UBR1: variants seen among roughly 807,000 people sequenced by gnomAD.
UBR1 encodes the protein ubiquitin protein ligase E3 component n-recognin 1, also known as E3 ubiquitin-protein ligase UBR1.
UBR1 carries 102 observed loss-of-function variants against 242.1 expected under a neutral mutation model. That is an observed-to-expected ratio of 0.42 (90% CI 0.36 to 0.50). UBR1 has a LOEUF of 0.50. UBR1 is among the 20% of genes least tolerant of loss of function. The pLI, the probability that UBR1 is intolerant of heterozygous loss-of-function variation, is 0.01. For missense variants in UBR1, 1,772 were observed against 2,101.8 expected (o/e 0.84, Z 3.07); for synonymous variants, 675 against 684.8 (o/e 0.99, Z 0.22).
At chr15:43,101,926 C>A (rs1423595428) in intron 1 of UBR1, among the ~76,000 whole-genome samples, 1 of 146,038 alleles carries the variant, frequency 6.8e-6, no homozygotes, top group Non-Finnish European at 1.5e-5. Context: ...CGAGATCTCG[C>A]CACGCACTCC....
intron 35 of UBR1, among the ~76,000 whole-genome samples, chr15:42,987,727 A>AG (rs2032496007): frequency 6.6e-6 from 1 of 151,430 alleles, no homozygotes; most frequent in Admixed American, 6.6e-5. Flanking sequence ...AAAAAAAAAA[A>AG]AAAAAAAAAT....
chr15:43,047,401 C>T, intron 13 of UBR1, 112 bp from the exon 14 acceptor site: 1 of 1,521,814 alleles, frequency 6.6e-7, no homozygotes, highest in South Asian at 1.1e-5. Flanking sequence ...GGTTGTTACA[C>T]TGGGTCAGAA....
At chr15:43,024,800 T>C (rs774354364) in intron 25 of UBR1, 29 bp downstream of exon 25, 3 of 1,613,890 alleles carry the variant, frequency 1.9e-6, no homozygotes, top group Non-Finnish European at 1.7e-6. Flanking sequence ...TAGGACTTGA[T>C]GTAGAGAAAA....
In UBR1 at chr15:43,003,945, A is replaced by G. The variant is rs756784968; in HGVS notation, c.3416-15T>C. ...GTCTAGGGCTTCTGGTACAAGGTAT[A>G]AAAAGGAGGGAAAAAGAGAGACAGG... On this transcript the variant is annotated splice_polypyrimidine_tract_variant and intron_variant, in intron 30 of 46. Transcript: ENST00000290650. 1 of 1,611,194 alleles carries G rather than the reference A, an allele frequency of 6.2e-7. No homozygotes were observed. The highest frequency in any genetic ancestry group is 8.5e-7 in the Non-Finnish European group (1 of 1,177,328).
chr15:43,048,018 C>G (rs1171717594), intron 13 of UBR1, among the ~76,000 whole-genome samples: 1 of 151,990 alleles, frequency 6.6e-6, no homozygotes. Context: ...GAAACCCCAC[C>G]TCTACTAAAA....
At chr15:43,015,404 C>T (rs1455298396) in intron 29 of UBR1, among the ~76,000 whole-genome samples, 6 of 151,934 alleles carry the variant, frequency 3.9e-5, no homozygotes, top group Non-Finnish European at 4.4e-5. Flanking sequence ...GGATTAAGGG[C>T]GGTGCAAGAT....
chr15:43,019,155 G>A (rs1044302122), intron 27 of UBR1, among the ~76,000 whole-genome samples: 4 of 151,804 alleles, frequency 2.6e-5, no homozygotes, highest in African/African-American at 4.8e-5. Context: ...TCCACCTCCC[G>A]GGTTCAAGCC....
At chr15:43,017,409 GT>G (rs1478763058) in intron 27 of UBR1, among the ~76,000 whole-genome samples, 1 of 152,250 alleles carries the variant, frequency 6.6e-6, no homozygotes, top group African/African-American at 2.4e-5. Context: ...AGCAGATTCA[GT>G]AGGCTGGGGG....
At chr15:43,104,693 T>C (rs1421396070) in intron 1 of UBR1, among the ~76,000 whole-genome samples, 1 of 151,262 alleles carries the variant, frequency 6.6e-6, no homozygotes, top group East Asian at 1.9e-4. Flanking sequence ...TTCAATTGTA[T>C]GCAGGGTTAA....
chr15:43,083,160 G>C (rs1210258968), intron 2 of UBR1, among the ~76,000 whole-genome samples: 1 of 152,168 alleles, frequency 6.6e-6, no homozygotes, highest in Admixed American at 6.5e-5. Context: ...AGCAACATAA[G>C]GGCAGGGATT....
intron 44 of UBR1, among the ~76,000 whole-genome samples, chr15:42,954,441 T>C (rs939109656): frequency 1.3e-5 from 2 of 152,158 alleles, no homozygotes; most frequent in Non-Finnish European, 2.9e-5. Context: ...GAAGACCCTA[T>C]TGGGCCAGTT....
At chr15:43,065,419 C>T (rs946098123) in intron 6 of UBR1, among the ~76,000 whole-genome samples, 2 of 151,954 alleles carry the variant, frequency 1.3e-5, no homozygotes, top group East Asian at 1.9e-4. Flanking sequence ...CAGAGGTAAA[C>T]GTGTGCCATG....
Position 42,952,153 on chromosome 15 carries a change from C to T in UBR1, c.5006+125G>A, listed in dbSNP as rs1298571959. On this transcript the variant is annotated intron_variant, in intron 45 of 46. Coordinates refer to ENST00000290650, the MANE Select transcript of UBR1 (RefSeq NM_174916.3). ...CTCAAATGCAATTTCATGTCAATAA[C>T]AGGTTAATACTCTAACTTCTGATTG... 6 of 1,176,750 alleles carry T rather than the reference C, an allele frequency of 5.1e-6. No individual in the cohort carries two copies. The East Asian group carries it at 1.4e-4, about 28-fold the overall frequency. 72.9% of individuals were successfully genotyped at this position (1,176,750 alleles called of 1,614,324 possible). A position where few individuals can be genotyped will look rare whatever the true frequency, so the allele number is the denominator to read the frequency against.
chr15:43,047,293 C>A lies in UBR1; in HGVS notation c.1540-4G>T. Reference sequence around the variant, plus strand: ...GTCTTCGGATTTCTTCCATTCCCTGCAATTACAAGTTGGTCAACATACACC... The same window carrying A: ...GTCTTCGGATTTCTTCCATTCCCTGAAATTACAAGTTGGTCAACATACACC... On this transcript the variant is annotated splice_region_variant and splice_polypyrimidine_tract_variant and intron_variant, in intron 13 of 46. Transcript: ENST00000290650. The A allele has an allele frequency of 5.0e-6, 8 of 1,614,086 alleles. No individual in the cohort carries two copies. The highest frequency in any genetic ancestry group is 6.8e-6 in the Non-Finnish European group (8 of 1,179,970).
chr15:43,104,403 T>C (rs1278658231), intron 1 of UBR1, among the ~76,000 whole-genome samples: 1 of 152,220 alleles, frequency 6.6e-6, no homozygotes, highest in Non-Finnish European at 1.5e-5. Flanking sequence ...ACTCACAAAC[T>C]ACCATTAAAA....
intron 37 of UBR1, 48 bp from the exon 38 acceptor site, chr15:42,977,995 G>A (rs749050374): frequency 3.3e-6 from 5 of 1,500,780 alleles, no homozygotes; most frequent in Non-Finnish European, 4.6e-6. Context: ...AGATAGCAGT[G>A]TAGGTAAATA....
At chr15:42,956,245 T>C (rs1048004246) in intron 44 of UBR1, among the ~76,000 whole-genome samples, 2 of 152,188 alleles carry the variant, frequency 1.3e-5, no homozygotes, top group Admixed American at 6.5e-5. Flanking sequence ...AGTGATATCA[T>C]AGAAAATGGT....
At chr15:43,084,059 C>T (rs2034004445) in intron 2 of UBR1, among the ~76,000 whole-genome samples, 1 of 151,882 alleles carries the variant, frequency 6.6e-6, no homozygotes, top group Non-Finnish European at 1.5e-5. Context: ...AACAAACAAA[C>T]AAACAAAAAA....
chr15:43,090,216 G>T (rs972975555), intron 1 of UBR1, among the ~76,000 whole-genome samples: 2 of 152,030 alleles, frequency 1.3e-5, no homozygotes, highest in African/African-American at 4.8e-5. Flanking sequence ...AGTAAAGTAG[G>T]TTACAAAGCA....
Sources: gnomAD v4.1 joint callset for allele counts (sites outside exome capture counted in the v4.1 genomes callset) on GRCh38, gnomAD v4.1.1 for gene constraint, MANE v1.5 for transcripts, NCBI Gene and HGNC (gene_info 2026-07-23, HGNC 2026-07-21) for gene names.